Variants in TLE1 observed in about 807,000 individuals in gnomAD.
TLE1 encodes the protein TLE family member 1, transcriptional corepressor.
A neutral mutation model predicts 89.8 loss-of-function variants in TLE1; 21 were observed. The ratio of observed to expected loss-of-function variants is 0.23; its 90% CI spans 0.17 to 0.34. The LOEUF is 0.34. Ranked by LOEUF, TLE1 falls within the 10% of genes least tolerant of loss-of-function variation. TLE1 has a pLI of 1.00. For synonymous variants in TLE1, 447 were observed against 407.6 expected (o/e 1.10, Z -1.16); for missense variants, 795 against 1,031.2 (o/e 0.77, Z 3.14).
Position 81,611,819 on chromosome 9 carries a change from T to C in TLE1, c.1204A>G (p.Ser402Gly). Residue 402 changes from serine (S) to glycine (G), a missense_variant, in exon 13 of 20, where the codon AGC becomes GGC. Physicochemically the swap from Ser to Gly is moderately conservative, Grantham distance 56 (BLOSUM62 0). Around this residue, in one of 4 missense-constraint regions of TLE1, gnomAD observed 468 missense variants for 509.1 expected, o/e 0.92. Transcript: ENST00000376499. The part of the protein sequence containing the change: ...ASLHNMSPQM[S>G]AAAAAAAVVA... ...ACGGCGGCCGCGGCGGCTGCGGCGC[T>C]CATCTGGGGCGACATGTTGTGTAAA... 6.4e-7 allele frequency: 1 copy of C among 1,554,102 alleles called. No homozygotes were observed. Among genetic ancestry groups the C allele is most frequent in the Admixed American group, 2.1e-5 (1 of 46,990 alleles).
At chr9:81,601,952 G>A (rs1830979277) in intron 14 of TLE1, among the ~76,000 whole-genome samples, 3 of 152,086 alleles carry the variant, frequency 2.0e-5, no homozygotes, top group Admixed American at 2.0e-4. Context: ...CCATCCTCCT[G>A]GGGAGGAAGC....
At chr9:81,621,585 A>G (rs1825263037) in intron 8 of TLE1, among the ~76,000 whole-genome samples, 1 of 152,220 alleles carries the variant, frequency 6.6e-6, no homozygotes, top group Admixed American at 6.5e-5. Context: ...GCCACAATTT[A>G]AAATAGAAGG....
chr9:81,634,349 A>G, intron 6 of TLE1, 48 bp from the exon 7 acceptor site: 1 of 1,397,416 alleles, frequency 7.2e-7, no homozygotes, highest in Non-Finnish European at 9.5e-7. Context: ...AGGAGGAGGT[A>G]GTGGTGACAG....
At chr9:81,670,682 T>G (rs951085986) in intron 4 of TLE1, among the ~76,000 whole-genome samples, 1 of 150,808 alleles carries the variant, frequency 6.6e-6, no homozygotes, top group Non-Finnish European at 1.5e-5. Flanking sequence ...TTTGAGCAAT[T>G]TCAGCACTTT....
chr9:81,587,863 T>TG, intron 16 of TLE1, 35 bp from the exon 17 acceptor site: 1 of 1,591,872 alleles, frequency 6.3e-7, no homozygotes, highest in Non-Finnish European at 8.5e-7. Flanking sequence ...AATGATTTCC[T>TG]GCCAGAGCTC....
chr9:81,669,565 T>A (rs1262323562), intron 4 of TLE1, among the ~76,000 whole-genome samples: 1 of 151,938 alleles, frequency 6.6e-6, no homozygotes, highest in Non-Finnish European at 1.5e-5. Context: ...TGTGCCAAAA[T>A]CTCCTCACTT....
chr9:81,633,403 G>A (rs757887800), intron 7 of TLE1, 39 bp from the exon 8 acceptor site: 20 of 1,613,284 alleles, frequency 1.2e-5, no homozygotes, highest in Admixed American at 3.3e-5. Context: ...AGACATGCCC[G>A]TTCAGACACA....
chr9:81,615,190 G>A (rs545455953), intron 11 of TLE1, among the ~76,000 whole-genome samples: 9 of 150,688 alleles, frequency 6.0e-5, no homozygotes, highest in South Asian at 4.2e-4. Flanking sequence ...GGTACCAGGC[G>A]TGGTGGTGAG....
At chr9:81,688,124 G>A (rs368787611) in intron 1 of TLE1, 93 bp downstream of exon 1, 23 of 1,512,070 alleles carry the variant, frequency 1.5e-5, no homozygotes, top group Non-Finnish European at 1.8e-5. Context: ...GAGAAGGTCC[G>A]CCGGGCCTCA....
intron 14 of TLE1, among the ~76,000 whole-genome samples, chr9:81,607,328 C>T (rs1476421241): frequency 7.9e-6 from 1 of 126,340 alleles, no homozygotes; most frequent in East Asian, 2.6e-4. Flanking sequence ...TTACAACTGA[C>T]CCTGTTAATA....
rs1388721455 is a variant in TLE1 at position 81,648,042 on chromosome 9, C to T, written c.372+4172G>A. Among the ~76,000 whole-genome samples, 3 of 152,034 alleles carry T rather than the reference C, an allele frequency of 2.0e-5. No homozygotes were observed. In the East Asian group the frequency reaches 5.8e-4, roughly 29 times the overall value. On this transcript the variant is annotated intron_variant, in intron 6 of 19. Transcript: ENST00000376499. Reference sequence around the variant, plus strand: ...ATCCCAACACTTTGGGAGGCTGAGGCGGGTGGATCACCTAAGTTTGGGAGT... The same window carrying T: ...ATCCCAACACTTTGGGAGGCTGAGGTGGGTGGATCACCTAAGTTTGGGAGT...
At chr9:81,687,631 G>A (rs566078541) in intron 1 of TLE1, among the ~76,000 whole-genome samples, 197 bp from the exon 2 acceptor site, 1 of 152,288 alleles carries the variant, frequency 6.6e-6, no homozygotes, top group East Asian at 1.9e-4. Context: ...CTTCTAAAGA[G>A]GCTCGGAAGC....
rs569504850 is a variant in TLE1, at chr9:81,647,217, C to T, written c.372+4997G>A. On this transcript the variant is annotated intron_variant, in intron 6 of 19. Transcript: ENST00000376499. ...AGGACAGTCCCCACTGGTCATCTGA[C>T]GATGTCTTCTAACTCTCTCTTCCCT... Among the ~76,000 whole-genome samples the T allele has an allele frequency of 7.9e-5, 12 of 152,266 alleles. No homozygotes were observed. In the South Asian group the frequency reaches 1.5e-3, roughly 18 times the overall value.
intron 4 of TLE1, among the ~76,000 whole-genome samples, chr9:81,681,551 C>CAA (rs35808742): frequency 7.8e-6 from 1 of 128,334 alleles, no homozygotes. Context: ...TTCCGTCGCG[C>CAA]AAAAAAAAAA....
In TLE1 at chr9:81,584,492, G is replaced by A. The variant is rs747602772; in HGVS notation, c.2161C>T (p.Leu721Phe). The A allele has an allele frequency of 3.7e-6, 6 of 1,614,130 alleles. No homozygotes were observed. In the South Asian group the frequency reaches 6.6e-5, roughly 18 times the overall value. The change falls in exon 19 of 20, where the codon CTC (leucine) becomes TTC (phenylalanine). Residue 721 changes from leucine (L) to phenylalanine (F), a missense_variant. This residue lies in a region of TLE1 where 214 missense variants were observed against 354.9 expected (regional missense o/e 0.60). Transcript: ENST00000376499. The stretch of plus-strand genomic sequence containing the variant: ...TAGGGGGTCCGCCAAGCATTGAGGA[G>A]GTTATCTTTTCCAGTACTCACAAAC... ...KWFVSTGKDN[L>F]LNAWRTPYGA...
At chr9:81,642,500 T>C (rs1382276833) in intron 6 of TLE1, among the ~76,000 whole-genome samples, 1 of 150,302 alleles carries the variant, frequency 6.7e-6, no homozygotes, top group Non-Finnish European at 1.5e-5. Flanking sequence ...GAGACCAGCC[T>C]GGCCAACATG....
intron 11 of TLE1, among the ~76,000 whole-genome samples, chr9:81,614,073 A>T (rs539005918): frequency 6.6e-6 from 1 of 151,846 alleles, no homozygotes; most frequent in Non-Finnish European, 1.5e-5. Flanking sequence ...ATGCCCAGCT[A>T]ATTTTTTTGT....
At chr9:81,630,488 T>C (rs1489285938) in intron 8 of TLE1, among the ~76,000 whole-genome samples, 1 of 152,248 alleles carries the variant, frequency 6.6e-6, no homozygotes, top group African/African-American at 2.4e-5. Flanking sequence ...GTGATTTAAT[T>C]TTCTTTCTTA....
Position 81,637,654 on chromosome 9 carries a change from T to TC in TLE1, c.373-3354_373-3353insG, listed in dbSNP as rs559071268. Among the ~76,000 whole-genome samples the TC allele has an allele frequency of 2.6e-3, 391 of 151,618 alleles. 3 individuals are homozygous for TC. Among genetic ancestry groups the TC allele is most frequent in the Non-Finnish European group, 4.6e-3 (312 of 67,874 alleles). ...CTACAATGAAAGTTTCTTTTTTTTT[T>TC]TTTTTTTTAAGCAAAATCCTATCAA... is the stretch of plus-strand genomic sequence containing the variant. On this transcript the variant is annotated intron_variant, in intron 6 of 19. Coordinates refer to ENST00000376499, the MANE Select transcript of TLE1 (RefSeq NM_005077.5).
Sources: allele counts gnomAD v4.1 joint callset (sites outside exome capture counted in the v4.1 genomes callset), GRCh38; gene constraint gnomAD v4.1.1; regional missense constraint gnomAD v4.1.1; transcripts MANE v1.5; gene names NCBI Gene and HGNC (gene_info 2026-07-23, HGNC 2026-07-21).